Variants in EPHA6 observed in about 807,000 individuals in gnomAD.
EPHA6 encodes the protein ephrin type-A receptor 6.
In EPHA6, 50 loss-of-function variants were observed where a neutral mutation model predicts 112.0. That is an observed-to-expected ratio of 0.45 (90% CI 0.36 to 0.56). EPHA6 has a LOEUF of 0.56. Among genes scored for constraint, EPHA6 ranks in the 20% least tolerant of loss-of-function variants. The probability of loss-of-function intolerance (pLI) is 0.00; values close to 1 mark genes in which losing one functional copy is unlikely to be tolerated. For synonymous variants in EPHA6, 529 were observed against 490.7 expected (o/e 1.08, Z -1.03); for missense variants, 1,280 against 1,417.4 (o/e 0.90, Z 1.56).
chr3:96,866,977 C>T, intron 2 of EPHA6, 88 bp downstream of exon 2: 2 of 672,056 alleles, frequency 3.0e-6, no homozygotes, highest in Non-Finnish European at 4.8e-6. Context: ...TTGGGCCCTA[C>T]TTGTTATGAA....
In EPHA6 at chr3:97,752,255, A is replaced by G. The variant is rs542739954; in HGVS notation, c.*3554A>G. On this transcript the variant is annotated 3_prime_UTR_variant, in exon 18 of 18. Transcript: ENST00000389672. ...AATCCAAATCCGATCCTTGAAAAGC[A>G]AAGGCTCTAAAGAAGCTCTTCAGAA... 4.5e-6 allele frequency: 1 copy of G among 222,846 alleles called. No homozygotes were observed. Among genetic ancestry groups the G allele is most frequent in the Non-Finnish European group, 9.0e-6 (1 of 111,544 alleles). The allele number at this position is 222,846 out of a possible 1,614,324, so 13.8% of individuals were successfully genotyped here. A position where few individuals can be genotyped will look rare whatever the true frequency, so the allele number is the denominator to read the frequency against.
chr3:97,266,827 GC>G lies in EPHA6; in HGVS notation c.1606+22541del, dbSNP rs200533330. Among the ~76,000 whole-genome samples, 1,421 of 152,034 alleles carry G rather than the reference GC, an allele frequency of 9.3e-3. 19 individuals are homozygous for G. Among genetic ancestry groups the G allele is most frequent in the African/African-American group, 0.033 (1,364 of 41,456 alleles). ...GTGAGAATCAGGAATTTGATATTTT[GC>G]TTTTTTTTAAGGTGGGCCTGTATAT... On this transcript the variant is annotated intron_variant, in intron 5 of 17. Transcript: ENST00000389672.
chr3:97,196,780 C>A (rs2077453955), intron 3 of EPHA6, among the ~76,000 whole-genome samples: 1 of 151,948 alleles, frequency 6.6e-6, no homozygotes, highest in African/African-American at 2.4e-5. Flanking sequence ...CGAATGAATT[C>A]TCTGTATTAC....
intron 14 of EPHA6, among the ~76,000 whole-genome samples, chr3:97,689,302 G>A (rs1471399219): frequency 6.6e-6 from 1 of 152,188 alleles, no homozygotes; most frequent in African/African-American, 2.4e-5. Flanking sequence ...CAGGAGATGT[G>A]GTACTGCCAA....
At chr3:97,302,510 T>A (rs180739359) in intron 5 of EPHA6, among the ~76,000 whole-genome samples, 1,839 of 151,346 alleles carry the variant, frequency 0.012, 30 homozygotes, top group African/African-American at 0.037. Flanking sequence ...TATTATTATT[T>A]TTTTGTCACA....
intron 3 of EPHA6, among the ~76,000 whole-genome samples, chr3:97,059,239 C>A (rs762157560): frequency 2.6e-5 from 4 of 152,128 alleles, no homozygotes. Context: ...TCAAATTTTT[C>A]TTCTCAAATG....
intron 10 of EPHA6, among the ~76,000 whole-genome samples, chr3:97,492,648 A>G (rs2091878380): frequency 6.8e-6 from 1 of 146,650 alleles, no homozygotes; most frequent in African/African-American, 2.6e-5. Context: ...AAAGTATAAT[A>G]TATAAGGTAG....
chr3:97,499,473 T>C (rs1327591556), intron 10 of EPHA6, among the ~76,000 whole-genome samples: 4 of 152,180 alleles, frequency 2.6e-5, no homozygotes, highest in Non-Finnish European at 4.4e-5. Context: ...CTTGTGCCAC[T>C]TAAGAACAAG....
intron 5 of EPHA6, among the ~76,000 whole-genome samples, chr3:97,401,822 A>G (rs1442661823): frequency 1.3e-5 from 2 of 151,636 alleles, no homozygotes; most frequent in African/African-American, 2.4e-5. Flanking sequence ...CCTCACTCTT[A>G]GTATTGCCTT....
intron 4 of EPHA6, among the ~76,000 whole-genome samples, chr3:97,234,585 CT>C (rs1035446152): frequency 6.6e-6 from 1 of 152,150 alleles, no homozygotes; most frequent in South Asian, 2.1e-4. Flanking sequence ...GTTGATCATT[CT>C]TTTTTTCTTG....
At chr3:96,817,943 C>G (rs979448488) in intron 1 of EPHA6, among the ~76,000 whole-genome samples, 8 of 151,890 alleles carry the variant, frequency 5.3e-5, no homozygotes, top group African/African-American at 1.9e-4. Flanking sequence ...CAATTTGACT[C>G]TCTCTTCCTA....
chr3:96,866,784 T>C, intron 1 of EPHA6, 41 bp from the exon 2 acceptor site: 1 of 1,149,196 alleles, frequency 8.7e-7, no homozygotes, highest in Non-Finnish European at 1.2e-6. Flanking sequence ...TTTGCATTAG[T>C]TGAGAAATTC....
intron 2 of EPHA6, among the ~76,000 whole-genome samples, chr3:96,870,486 T>C (rs1160238933): frequency 1.3e-5 from 2 of 152,118 alleles, no homozygotes; most frequent in Non-Finnish European, 2.9e-5. Flanking sequence ...TATTCTTTAA[T>C]TTATCTATTG....
chr3:97,121,889 A>T (rs1315924988), intron 3 of EPHA6, among the ~76,000 whole-genome samples: 4 of 152,026 alleles, frequency 2.6e-5, no homozygotes, highest in African/African-American at 9.7e-5. Context: ...ACCAGCCTAC[A>T]CTGCTTTTCA....
intron 12 of EPHA6, among the ~76,000 whole-genome samples, chr3:97,594,977 T>G (rs1576006315): frequency 6.6e-6 from 1 of 152,360 alleles, no homozygotes; most frequent in Middle Eastern, 3.4e-3. Flanking sequence ...ATTGCTAATT[T>G]AGTTCTCAAT....
intron 10 of EPHA6, among the ~76,000 whole-genome samples, chr3:97,503,402 A>G (rs1042999868): frequency 1.3e-5 from 2 of 152,190 alleles, no homozygotes; most frequent in Non-Finnish European, 2.9e-5. Flanking sequence ...TTGACTTACC[A>G]TTCTCCCTCC....
chr3:97,369,648 C>G (rs2084939988), intron 5 of EPHA6, among the ~76,000 whole-genome samples: 1 of 152,082 alleles, frequency 6.6e-6, no homozygotes, highest in South Asian at 2.1e-4. Flanking sequence ...CACGGGACTT[C>G]CCTTCTCTTA....
At chr3:96,981,335 T>G (rs2042765836) in intron 2 of EPHA6, among the ~76,000 whole-genome samples, 1 of 152,212 alleles carries the variant, frequency 6.6e-6, no homozygotes, top group Non-Finnish European at 1.5e-5. Context: ...TGTTTCTGTT[T>G]ATGTGCTGGA....
intron 6 of EPHA6, among the ~76,000 whole-genome samples, chr3:97,407,239 A>G (rs2087409831): frequency 3.3e-5 from 5 of 151,886 alleles, no homozygotes; most frequent in Admixed American, 2.6e-4. Flanking sequence ...AGTTCTAGCT[A>G]TTGTCAAATG....
Sources: allele counts gnomAD v4.1 joint callset (sites outside exome capture counted in the v4.1 genomes callset), GRCh38; gene constraint gnomAD v4.1.1; transcripts MANE v1.5; gene names NCBI Gene and HGNC (gene_info 2026-07-23, HGNC 2026-07-21).